Variants in NRG3 observed in about 807,000 individuals in gnomAD.
The protein encoded by NRG3 is neuregulin 3.
NRG3 carries 31 observed loss-of-function variants against 66.9 expected under a neutral mutation model. That is an observed-to-expected ratio of 0.46 (90% confidence interval 0.35 to 0.63). The LOEUF (loss-of-function observed/expected upper bound fraction) is 0.63. Ranked by LOEUF, NRG3 falls within the 20% of genes least tolerant of loss-of-function variation. The pLI, the probability that NRG3 is intolerant of heterozygous loss-of-function variation, is 0.00. For missense variants in NRG3, 910 were observed against 878.9 expected, an observed-to-expected ratio of 1.04 and a Z score of -0.45; for synonymous variants, 393 against 359.4, an observed-to-expected ratio of 1.09 and a Z score of -1.06.
At chr10:82,778,205 G>T (rs558318317) in intron 3 of NRG3, among the ~76,000 whole-genome samples, 1 of 152,278 alleles carries the variant, frequency 6.6e-6, no homozygotes, top group East Asian at 1.9e-4. Flanking sequence ...ACTGAGTGCT[G>T]CATGGGCTTG....
intron 2 of NRG3, among the ~76,000 whole-genome samples, chr10:82,575,035 T>C (rs1260439644): frequency 1.3e-5 from 2 of 151,690 alleles, no homozygotes; most frequent in African/African-American, 2.4e-5. Flanking sequence ...CTAATAATTA[T>C]GTATTGTATT....
chr10:82,061,580 C>T (rs1441890633), intron 1 of NRG3, among the ~76,000 whole-genome samples: 3 of 152,146 alleles, frequency 2.0e-5, no homozygotes, highest in African/African-American at 2.4e-5. Context: ...AACCCATATC[C>T]GTCATAATAA....
At chr10:81,988,139 T>G (rs1319488149) in intron 1 of NRG3, among the ~76,000 whole-genome samples, 1 of 152,112 alleles carries the variant, frequency 6.6e-6, no homozygotes, top group African/African-American at 2.4e-5. Flanking sequence ...GATAGTGTAG[T>G]GTTTTGATAT....
intron 2 of NRG3, 48 bp downstream of exon 2, chr10:82,358,916 G>A (rs779158215): frequency 9.3e-6 from 15 of 1,612,584 alleles, no homozygotes; most frequent in Admixed American, 1.7e-5. Flanking sequence ...GTTGCAAGGC[G>A]TGGGGGTGGA....
chr10:82,571,547 T>C (rs1447162106), intron 2 of NRG3, among the ~76,000 whole-genome samples: 1 of 151,654 alleles, frequency 6.6e-6, no homozygotes, highest in African/African-American at 2.4e-5. Context: ...CTGTTGTGAA[T>C]TTACTCAACA....
intron 1 of NRG3, among the ~76,000 whole-genome samples, chr10:82,327,728 A>G (rs183140860): frequency 3.5e-4 from 53 of 152,296 alleles, no homozygotes; most frequent in African/African-American, 2.4e-5. Flanking sequence ...AAACCAGCCC[A>G]TGATATGTCT....
At chr10:82,093,465 A>G (rs974263154) in intron 1 of NRG3, among the ~76,000 whole-genome samples, 15 of 152,226 alleles carry the variant, frequency 9.9e-5, no homozygotes, top group African/African-American at 3.4e-4. Flanking sequence ...TTTTGAGCTT[A>G]TTCCAGTTTA....
rs11345974 is a variant in NRG3 at position 82,336,529 on chromosome 10, C to CT, written c.824-22194dup. 8.2e-3 allele frequency among the ~76,000 whole-genome samples: 1,126 copies of CT among 137,822 alleles called. 11 individuals carry two copies. Among genetic ancestry groups the CT allele is most frequent in the Middle Eastern group, 0.015 (4 of 270 alleles). 90.4% of individuals were successfully genotyped at this position (137,822 alleles called of 152,430 possible). On this transcript the variant is annotated intron_variant, in intron 1 of 8. Coordinates refer to ENST00000372141, the MANE Select transcript of NRG3 (RefSeq NM_001010848.4). The stretch of plus-strand genomic sequence containing the variant: ...TATCTTTCTTTCTTTCTTTTCTTTT[C>CT]TTTTTTTTTTTTTTTTACAGTCTTG...
chr10:81,980,315 A>G (rs538404220), intron 1 of NRG3, among the ~76,000 whole-genome samples: 7 of 152,228 alleles, frequency 4.6e-5, no homozygotes, highest in African/African-American at 1.7e-4. Context: ...TGGGCAAGTT[A>G]GCTAACTTTA....
intron 1 of NRG3, among the ~76,000 whole-genome samples, chr10:82,227,093 C>T (rs1217061710): frequency 6.6e-6 from 1 of 152,158 alleles, no homozygotes; most frequent in Non-Finnish European, 1.5e-5. Flanking sequence ...TTTGTCAGGT[C>T]TCTCATGGTC....
intron 1 of NRG3, among the ~76,000 whole-genome samples, chr10:82,321,300 G>T (rs948369508): frequency 7.7e-6 from 1 of 129,550 alleles, no homozygotes; most frequent in Admixed American, 7.3e-5. Context: ...TGTGGCAGGG[G>T]TGGGGGTGGG....
At chr10:82,755,901 C>T (rs1486244692) in intron 3 of NRG3, among the ~76,000 whole-genome samples, 1 of 152,076 alleles carries the variant, frequency 6.6e-6, no homozygotes, top group Non-Finnish European at 1.5e-5. Context: ...CCTTGTAAAC[C>T]ATGTTGTCCC....
intron 1 of NRG3, among the ~76,000 whole-genome samples, chr10:82,132,505 C>CATAT (rs367993461): frequency 0.22 from 13,254 of 59,846 alleles, 4,593 homozygotes; most frequent in Middle Eastern, 0.43. Context: ...ATATATATAT[C>CATAT]ATATATATAT....
chr10:82,139,688 A>T (rs1247333915), intron 1 of NRG3, among the ~76,000 whole-genome samples: 1 of 152,166 alleles, frequency 6.6e-6, no homozygotes, highest in African/African-American at 2.4e-5. Flanking sequence ...CTCTAAGCAA[A>T]AGTGAATAGT....
chr10:82,200,015 C>T lies in NRG3; in HGVS notation c.824-158724C>T, dbSNP rs190398499. 4.0e-5 allele frequency among the ~76,000 whole-genome samples: 6 copies of T among 151,648 alleles called. No individual in the cohort carries two copies. In the East Asian group the frequency reaches 5.8e-4, roughly 15 times the overall value. On this transcript the variant is annotated intron_variant, in intron 1 of 8. Transcript: ENST00000372141. ...TTCCTTCAGCCTCAGTATCCTTATC[C>T]GAAAAATGTACATAATTACACATAG...
intron 1 of NRG3, among the ~76,000 whole-genome samples, chr10:82,210,775 C>A (rs914805984): frequency 2.6e-5 from 4 of 152,096 alleles, no homozygotes; most frequent in Non-Finnish European, 5.9e-5. Context: ...ATATTTTAAA[C>A]CTTACCTAAA....
At chr10:81,886,197 T>A (rs79725679) in intron 1 of NRG3, among the ~76,000 whole-genome samples, 3,362 of 152,220 alleles carry the variant, frequency 0.022, 70 homozygotes, top group East Asian at 0.11. Flanking sequence ...CAAAAACTTC[T>A]GACAAATGCC....
At chr10:81,937,783 C>T (rs2133063649) in intron 1 of NRG3, among the ~76,000 whole-genome samples, 1 of 152,156 alleles carries the variant, frequency 6.6e-6, no homozygotes, top group East Asian at 1.9e-4. Context: ...CTATTGCTGC[C>T]TGTGCTTTTG....
At chr10:82,594,662 A>G (rs896359632) in intron 2 of NRG3, among the ~76,000 whole-genome samples, 4 of 152,162 alleles carry the variant, frequency 2.6e-5, no homozygotes, top group Non-Finnish European at 5.9e-5. Flanking sequence ...TTTATCTTTT[A>G]CAATTATTTC....
Sources: gnomAD v4.1 joint callset for allele counts (sites outside exome capture counted in the v4.1 genomes callset) on GRCh38, gnomAD v4.1.1 for gene constraint, MANE v1.5 for transcripts, NCBI Gene and HGNC (gene_info 2026-07-23, HGNC 2026-07-21) for gene names.